XKR6: variants seen among roughly 807,000 people sequenced by gnomAD.
XKR6 encodes XK related 6.
Under a neutral mutation model 56.7 loss-of-function variants are expected in XKR6, and 22 were observed. The observed-to-expected ratio is 0.39, with a 90% CI of 0.28 to 0.55. The LOEUF (loss-of-function observed/expected upper bound fraction) is 0.55, where lower values mean the gene tolerates loss of function less well. Among genes scored for constraint, XKR6 ranks in the 20% least tolerant of loss-of-function variants. XKR6 has a pLI of 0.66. For synonymous variants in XKR6, 524 were observed against 387.8 expected, an observed-to-expected ratio of 1.35 and a Z score of -4.13; for missense variants, 852 against 889.0, an observed-to-expected ratio of 0.96 and a Z score of 0.53.
At chr8:10,988,598 A>C (rs1477534823) in intron 1 of XKR6, among the ~76,000 whole-genome samples, 2 of 152,174 alleles carry the variant, frequency 1.3e-5, no homozygotes, top group Non-Finnish European at 2.9e-5. Flanking sequence ...GCTACTGAGG[A>C]CCAGGACTGA....
intron 1 of XKR6, among the ~76,000 whole-genome samples, chr8:11,199,351 G>C: frequency 6.6e-6 from 1 of 152,180 alleles, no homozygotes; most frequent in East Asian, 1.9e-4. Context: ...AATAAATGCT[G>C]AATAGAGATC....
intron 1 of XKR6, among the ~76,000 whole-genome samples, chr8:11,092,045 G>T (rs1236668550): frequency 6.6e-6 from 1 of 152,136 alleles, no homozygotes; most frequent in Non-Finnish European, 1.5e-5. Context: ...GGGGTCAAAG[G>T]TACAACTCCA....
At chr8:10,924,093 GC>G (rs1423681163) in intron 2 of XKR6, among the ~76,000 whole-genome samples, 1 of 152,146 alleles carries the variant, frequency 6.6e-6, no homozygotes, top group African/African-American at 2.4e-5. Context: ...GTTGCTTCCA[GC>G]CCCTCCTCCT....
At chr8:11,144,976 G>A (rs764015532) in intron 1 of XKR6, among the ~76,000 whole-genome samples, 2 of 146,094 alleles carry the variant, frequency 1.4e-5, no homozygotes, top group African/African-American at 2.6e-5. Flanking sequence ...GGAAGGGAGA[G>A]AAGGGAGGGA....
chr8:11,121,062 T>C (rs1799428939), intron 1 of XKR6, among the ~76,000 whole-genome samples: 1 of 152,200 alleles, frequency 6.6e-6, no homozygotes. Flanking sequence ...CCTTACATGT[T>C]AGACCTAAAA....
chr8:11,035,900 A>T (rs1209474574), intron 1 of XKR6, among the ~76,000 whole-genome samples: 7 of 147,296 alleles, frequency 4.8e-5, no homozygotes, highest in Non-Finnish European at 4.5e-5. Flanking sequence ...ATCTGACCAG[A>T]TGCATGTGAG....
chr8:11,103,348 A>T (rs1320613829), intron 1 of XKR6, among the ~76,000 whole-genome samples: 1 of 152,016 alleles, frequency 6.6e-6, no homozygotes, highest in Admixed American at 6.5e-5. Context: ...AACATTCAGG[A>T]GTTCAATCAA....
chr8:10,966,653 C>T (rs1802233773), intron 1 of XKR6, among the ~76,000 whole-genome samples: 1 of 152,064 alleles, frequency 6.6e-6, no homozygotes, highest in Non-Finnish European at 1.5e-5. Flanking sequence ...CAGCCTGGAC[C>T]ACAGAGTGAG....
chr8:11,016,272 C>T (rs1798619681), intron 1 of XKR6, among the ~76,000 whole-genome samples: 1 of 152,186 alleles, frequency 6.6e-6, no homozygotes, highest in African/African-American at 2.4e-5. Context: ...CGTCCCTCTG[C>T]CCCGCGCCCT....
chr8:11,103,721 G>A (rs1332682423), intron 1 of XKR6, among the ~76,000 whole-genome samples: 1 of 152,156 alleles, frequency 6.6e-6, no homozygotes, highest in Non-Finnish European at 1.5e-5. Flanking sequence ...CTGCTTCTGT[G>A]TCAAGGTACC....
At chr8:11,021,639 A>G (rs1416986777) in intron 1 of XKR6, among the ~76,000 whole-genome samples, 1 of 152,168 alleles carries the variant, frequency 6.6e-6, no homozygotes, top group Non-Finnish European at 1.5e-5. Context: ...CAAACGCTCC[A>G]GAGTCCATAG....
At chr8:11,144,173 T>A (rs544564070) in intron 1 of XKR6, among the ~76,000 whole-genome samples, 1 of 151,730 alleles carries the variant, frequency 6.6e-6, no homozygotes, top group East Asian at 1.9e-4. Context: ...CACAATTCAG[T>A]CCATAAACGC....
intron 1 of XKR6, among the ~76,000 whole-genome samples, chr8:10,973,050 G>C (rs764107400): frequency 1.3e-5 from 2 of 152,182 alleles, no homozygotes; most frequent in Non-Finnish European, 2.9e-5. Context: ...TTTCTTGATA[G>C]ACGAGGCTTA....
rs562534317 is a variant in XKR6 at position 10,911,455 on chromosome 8, T to G, written c.962-12539A>C. On this transcript the variant is annotated intron_variant, in intron 2 of 2. Transcript: ENST00000416569. ...TATATAGAGGGTAAGTATACATATATAGAGAGAGAATATGTATGTGTATAT... is the reference window on the plus strand; with the variant it reads ...TATATAGAGGGTAAGTATACATATAGAGAGAGAGAATATGTATGTGTATAT... Among the ~76,000 whole-genome samples, 20 of 148,234 alleles carry G rather than the reference T, an allele frequency of 1.3e-4. No individual in the cohort carries two copies. The South Asian group carries it at 4.1e-3, about 30-fold the overall frequency.
chr8:11,075,314 C>T lies in XKR6; in HGVS notation c.764+125262G>A, dbSNP rs187779533. On this transcript the variant is annotated intron_variant, in intron 1 of 2. Coordinates refer to ENST00000416569, the MANE Select transcript of XKR6 (RefSeq NM_173683.4). ...CCTGGACTTTGCTCACTCTGCCCTC[C>T]GAGCAATCCCTTTACTATGTCCAAG... is the stretch of plus-strand genomic sequence containing the variant. Among the ~76,000 whole-genome samples the T allele has an allele frequency of 2.0e-3, 308 of 152,288 alleles. 3 individuals carry two copies. The highest frequency in any genetic ancestry group is 0.018 in the Admixed American group (278 of 15,304).
chr8:11,124,213 C>G, intron 1 of XKR6: 1 of 352,054 alleles, frequency 2.8e-6, no homozygotes, highest in South Asian at 2.2e-5. Flanking sequence ...TAATGCTATT[C>G]TATTATCAAG....
chr8:10,973,373 G>T (rs759628944), intron 1 of XKR6, among the ~76,000 whole-genome samples: 1 of 152,102 alleles, frequency 6.6e-6, no homozygotes, highest in Non-Finnish European at 1.5e-5. Flanking sequence ...GGGTTCCCTG[G>T]CCCCTGGACC....
chr8:10,961,797 T>G (rs1327861445), intron 1 of XKR6, among the ~76,000 whole-genome samples: 1 of 152,218 alleles, frequency 6.6e-6, no homozygotes, highest in South Asian at 2.1e-4. Flanking sequence ...CCAGTTCTTA[T>G]GCCAGGCAGG....
At chr8:11,150,986 C>T (rs1237786350) in intron 1 of XKR6, among the ~76,000 whole-genome samples, 1 of 151,338 alleles carries the variant, frequency 6.6e-6, no homozygotes, top group Non-Finnish European at 1.5e-5. Flanking sequence ...CTATTTTGTG[C>T]TATCTTTCCT....
Sources: gnomAD v4.1 joint callset for allele counts (sites outside exome capture counted in the v4.1 genomes callset) on GRCh38, gnomAD v4.1.1 for gene constraint, MANE v1.5 for transcripts, NCBI Gene and HGNC (gene_info 2026-07-23, HGNC 2026-07-21) for gene names.